The following WDR41 variants were observed in gnomAD, a reference collection of about 807,000 sequenced individuals.
WDR41 encodes WD repeat domain 41, also known as WD repeat-containing protein 41.
WDR41 carries 63 observed loss-of-function variants against 69.3 expected under a neutral mutation model. The ratio of observed to expected loss-of-function variants is 0.91; its 90% CI spans 0.74 to 1.12. The LOEUF is 1.12. WDR41 is among the 50% of genes most tolerant of loss of function. The pLI is 0.00. For missense variants in WDR41, 543 were observed against 534.5 expected (o/e 1.02, Z -0.16); for synonymous variants, 185 against 192.1 (o/e 0.96, Z 0.31).
At chr5:77,464,303 A>G (rs1222938769) in intron 3 of WDR41, among the ~76,000 whole-genome samples, 1 of 95,126 alleles carries the variant, frequency 1.1e-5, no homozygotes, top group Non-Finnish European at 2.0e-5. Flanking sequence ...TTTTTGAGAC[A>G]GTCTTGCTGT....
At chr5:77,454,050 T>G in intron 5 of WDR41, 122 bp from the exon 6 acceptor site, 1 of 716,462 alleles carries the variant, frequency 1.4e-6, no homozygotes, top group East Asian at 2.7e-5. Flanking sequence ...TTATTTCTCC[T>G]TAGTAGATCA....
At chr5:77,463,013 C>A in intron 4 of WDR41, 82 bp downstream of exon 4, 4 of 1,434,452 alleles carry the variant, frequency 2.8e-6, no homozygotes, top group East Asian at 2.4e-5. Context: ...CAGACAAGAC[C>A]CTATCAGCTA....
chr5:77,435,292 C>T (rs2151283323), intron 12 of WDR41, among the ~76,000 whole-genome samples: 1 of 152,318 alleles, frequency 6.6e-6, no homozygotes, highest in African/African-American at 2.4e-5. Context: ...GTCCTATATC[C>T]TCTAACCATT....
At chr5:77,589,806 T>C (rs1744104923) in intron 1 of WDR41, among the ~76,000 whole-genome samples, 1 of 152,158 alleles carries the variant, frequency 6.6e-6, no homozygotes, top group Non-Finnish European at 1.5e-5. Context: ...TTCCAATCCT[T>C]ATAATATTTA....
In WDR41 at chr5:77,565,120, A is replaced by G. The variant is rs547697544; in HGVS notation, c.42+55359T>C. On this transcript the variant is annotated intron_variant, in intron 1 of 5. Coordinates refer to the WDR41 transcript ENST00000509971. Reference sequence around the variant, plus strand: ...TAACCTGAGGGAATTTTGCAAAACCACAGATTCTCAGGCTGCCCCAGGCTT... The same window carrying G: ...TAACCTGAGGGAATTTTGCAAAACCGCAGATTCTCAGGCTGCCCCAGGCTT... 4.7e-3 allele frequency among the ~76,000 whole-genome samples: 716 copies of G among 152,164 alleles called. 3 individuals carry two copies. Among genetic ancestry groups the G allele is most frequent in the African/African-American group, 0.016 (657 of 41,520 alleles).
At chr5:77,573,099 C>A (rs780321705) in intron 1 of WDR41, among the ~76,000 whole-genome samples, 1 of 152,148 alleles carries the variant, frequency 6.6e-6, no homozygotes, top group African/African-American at 2.4e-5. Flanking sequence ...AAAGAACTTA[C>A]AAGGTTCCTT....
chr5:77,517,828 A>G (rs1299035483), intron 1 of WDR41, among the ~76,000 whole-genome samples: 1 of 152,138 alleles, frequency 6.6e-6, no homozygotes, highest in Non-Finnish European at 1.5e-5. Context: ...GGTAAAAATA[A>G]TAATAAGAAG....
At chr5:77,514,674 T>C (rs1182375072) in intron 1 of WDR41, among the ~76,000 whole-genome samples, 5 of 152,198 alleles carry the variant, frequency 3.3e-5, no homozygotes, top group Non-Finnish European at 5.9e-5. Flanking sequence ...CAGGTGATTT[T>C]GTCATTGTGC....
intron 1 of WDR41, among the ~76,000 whole-genome samples, chr5:77,597,365 C>T (rs1370692218): frequency 6.6e-6 from 1 of 152,116 alleles, no homozygotes; most frequent in African/African-American, 2.4e-5. Context: ...GTGTTTAATT[C>T]ATTTAGCTTT....
chr5:77,503,190 CAAAAA>C (rs144057313), intron 1 of WDR41, among the ~76,000 whole-genome samples: 6 of 74,312 alleles, frequency 8.1e-5, no homozygotes, highest in Non-Finnish European at 1.3e-4. Flanking sequence ...AAATGGAAAG[CAAAAA>C]AAAAAAAAAA....
At chr5:77,536,753 T>C (rs1466564561) in intron 1 of WDR41, among the ~76,000 whole-genome samples, 1 of 152,196 alleles carries the variant, frequency 6.6e-6, no homozygotes. Context: ...CAATAGGCTG[T>C]ACCGTGTAGC....
intron 1 of WDR41, among the ~76,000 whole-genome samples, chr5:77,610,150 G>A (rs1744517746): frequency 1.3e-5 from 2 of 152,180 alleles, no homozygotes; most frequent in East Asian, 1.9e-4. Context: ...AGAAATATGG[G>A]ACTATGTGAA....
At chr5:77,472,318 T>C (rs1800662268) in intron 2 of WDR41, among the ~76,000 whole-genome samples, 2 of 152,054 alleles carry the variant, frequency 1.3e-5, no homozygotes, top group Non-Finnish European at 2.9e-5. Context: ...GCCAATATCA[T>C]ACTGAATGGG....
In WDR41 at chr5:77,492,248, C is replaced by T. The variant is rs1460308817; in HGVS notation, c.-28G>A. On this transcript the variant is annotated 5_prime_UTR_variant, in exon 1 of 13. Transcript: ENST00000296679. ...GGGCAGCGGCGGCGTCTTGCCCGGT[C>T]CAGCCCCAGTCAGCCCAAACTCCGC... The T allele has an allele frequency of 1.9e-6, 3 of 1,611,590 alleles. No individual in the cohort carries two copies. The highest frequency in any genetic ancestry group is 2.5e-6 in the Non-Finnish European group (3 of 1,179,304).
chr5:77,492,475 T>G (rs903631323), upstream of WDR41: 6 of 419,530 alleles, frequency 1.4e-5, no homozygotes, highest in Non-Finnish European at 2.5e-5. Context: ...CGGGGGCGGC[T>G]GCGGCGATTG....
At chr5:77,450,439 T>C (rs1799580440) in intron 7 of WDR41, among the ~76,000 whole-genome samples, 1 of 152,248 alleles carries the variant, frequency 6.6e-6, no homozygotes, top group African/African-American at 2.4e-5. Context: ...TAATGTTCAA[T>C]GTGTTGCTTT....
chr5:77,598,685 T>A (rs1324224307), intron 1 of WDR41, among the ~76,000 whole-genome samples: 2 of 149,064 alleles, frequency 1.3e-5, no homozygotes, highest in East Asian at 3.9e-4. Context: ...TTGAGTTGAG[T>A]TGTCTGACAT....
At chr5:77,556,434 G>A (rs1216596283) in intron 1 of WDR41, among the ~76,000 whole-genome samples, 1 of 152,056 alleles carries the variant, frequency 6.6e-6, no homozygotes, top group Non-Finnish European at 1.5e-5. Flanking sequence ...TTGAGGTGGA[G>A]TCTCGCTCTA....
chr5:77,518,208 C>T lies in WDR41; in HGVS notation c.43-28636G>A, dbSNP rs548759834. Among the ~76,000 whole-genome samples the T allele has an allele frequency of 7.2e-5, 11 of 152,042 alleles. No individual in the cohort carries two copies. The South Asian group carries it at 2.3e-3, about 32-fold the overall frequency. ...TTTTTTGTTGTTGTTTAAGCTTGTT[C>T]TTTTTTGGTTTGACCCTGTAACCCT... On this transcript the variant is annotated intron_variant, in intron 1 of 5. Coordinates refer to the WDR41 transcript ENST00000509971.
Sources: allele counts gnomAD v4.1 joint callset (sites outside exome capture counted in the v4.1 genomes callset), GRCh38; gene constraint gnomAD v4.1.1; transcripts MANE v1.5; gene names NCBI Gene and HGNC (gene_info 2026-07-23, HGNC 2026-07-21).